MYBPH: variants seen among roughly 807,000 people sequenced by gnomAD.
The protein encoded by MYBPH is myosin-binding protein H.
In MYBPH, 49 loss-of-function variants were observed where a neutral mutation model predicts 53.6. The ratio of observed to expected loss-of-function variants is 0.91; its 90% CI spans 0.73 to 1.16. The LOEUF is 1.16. Ranked by LOEUF, MYBPH falls within the 50% of genes most tolerant of loss-of-function variation. The probability of loss-of-function intolerance (pLI) is 0.00; values close to 1 mark genes in which losing one functional copy is unlikely to be tolerated. For synonymous variants in MYBPH, 239 were observed against 249.6 expected (o/e 0.96, Z 0.40); for missense variants, 558 against 624.1 (o/e 0.89, Z 1.13).
At position 203,171,723 on chromosome 1, in the gene MYBPH, G is replaced by A. The variant is rs1234388947; in HGVS notation, c.598-145C>T. ...AGGGGCAGCAGAGGCTGGAGCCACA[G>A]GTGCTGCCCACAGCCACATCTTCCA... On this transcript the variant is annotated intron_variant, in intron 4 of 10. Transcript: ENST00000255416. The surrounding 1 kb of genome is among the most constrained non-coding windows in gnomAD (Gnocchi z 4.2). 1 of 951,486 alleles carries A rather than the reference G, an allele frequency of 1.1e-6. No homozygotes were observed. Among genetic ancestry groups the A allele is most frequent in the Non-Finnish European group, 1.5e-6 (1 of 659,432 alleles). The allele number at this position is 951,486 out of a possible 1,614,324, so 58.9% of individuals were successfully genotyped here. A position where few individuals can be genotyped will look rare whatever the true frequency, so the allele number is the denominator to read the frequency against.
At chr1:203,168,495 C>G in intron 10 of MYBPH, 132 bp downstream of exon 10, 2 of 858,582 alleles carry the variant, frequency 2.3e-6, no homozygotes, top group South Asian at 1.5e-5. Flanking sequence ...TGCTAGTTGC[C>G]TGTGTCCACA....
Position 203,170,310 on chromosome 1 carries a change from G to A in MYBPH, c.1074C>T (p.Leu358=), listed in dbSNP as rs150644151. 1.7e-5 allele frequency: 27 copies of A among 1,614,170 alleles called. No individual in the cohort carries two copies. In the Admixed American group the frequency reaches 2.5e-4, roughly 15 times the overall value. The change falls in exon 7 of 11, where the codon CTC becomes CTT. Residue 358 remains leucine, a synonymous_variant. Transcript: ENST00000255416. The stretch of plus-strand genomic sequence containing the variant: ...ACCCACCTGCCTTCTGGATGTGGGC[G>A]AGCTCCTTGGTGACGGTGGCCGAGG... ...LSTSATVTKE[L]AHIQKADIAA... is the part of the protein sequence containing the mutation.
In MYBPH at chr1:203,175,344, T is replaced by A. The variant is rs776221988; in HGVS notation, c.323A>T (p.Glu108Val). The A allele has an allele frequency of 3.9e-6, 6 of 1,522,716 alleles. No individual in the cohort carries two copies. In the Admixed American group the frequency reaches 1.4e-4, roughly 34 times the overall value. The allele number at this position is 1,522,716 out of a possible 1,614,324, so 94.3% of individuals were successfully genotyped here. A position where few individuals can be genotyped will look rare whatever the true frequency, so the allele number is the denominator to read the frequency against. ...GRLGLQGYVL[E>V]LCREGASEWV... ...GCACTCACCTCCCTCTCTGCAGAGC[T>A]CCAGCACATAGCCCTGGAGGCCCAG... The change falls in exon 2 of 11, where the codon GAG becomes GTG. Residue 108 changes from glutamate (E) to valine (V), a missense_variant. By Grantham distance (121) the Glu-to-Val change is moderately radical. Coordinates refer to ENST00000255416, the MANE Select transcript of MYBPH (RefSeq NM_004997.3).
intron 7 of MYBPH, among the ~76,000 whole-genome samples, chr1:203,169,608 T>C (rs1353852553): frequency 6.6e-6 from 1 of 152,226 alleles, no homozygotes; most frequent in East Asian, 1.9e-4. Flanking sequence ...AAGAGCATCT[T>C]GGCAGAAGAT....
At chr1:203,169,202 G>A (rs1186770194) in intron 8 of MYBPH, 51 bp downstream of exon 8, 1 of 1,578,378 alleles carries the variant, frequency 6.3e-7, no homozygotes, top group Non-Finnish European at 8.6e-7. Flanking sequence ...CAGCCCTGCT[G>A]TCCCCACCTG....
chr1:203,177,070 A>G (rs1655825408), upstream of MYBPH, among the ~76,000 whole-genome samples: 1 of 152,250 alleles, frequency 6.6e-6, no homozygotes. Flanking sequence ...TGATGAGCAG[A>G]AGAGCAAGGC....
At chr1:203,168,390 C>T (rs1655624227) in intron 10 of MYBPH, among the ~76,000 whole-genome samples, 1 of 152,224 alleles carries the variant, frequency 6.6e-6, no homozygotes, top group African/African-American at 2.4e-5. Context: ...TGGGAGTAGA[C>T]TCTGGTTGTG....
In MYBPH at chr1:203,171,680, C is replaced by G; in HGVS notation, c.598-102G>C. 8.1e-7 allele frequency: 1 copy of G among 1,229,262 alleles called. No homozygotes were observed. The highest frequency in any genetic ancestry group is 1.1e-6 in the Non-Finnish European group (1 of 908,472). The allele number at this position is 1,229,262 out of a possible 1,614,324, so 76.1% of individuals were successfully genotyped here. A position where few individuals can be genotyped will look rare whatever the true frequency, so the allele number is the denominator to read the frequency against. ...GGAGCTGTTCTCGGGGAAGCCTGTC[C>G]CACTGGCCCTTCTCAGGAGGGGCAG... On this transcript the variant is annotated intron_variant, in intron 4 of 10. Transcript: ENST00000255416. The surrounding 1 kb of genome is among the most constrained non-coding windows in gnomAD (Gnocchi z 4.2).
chr1:203,171,167 A>G lies in MYBPH; in HGVS notation c.827T>C (p.Leu276Pro). ...KPGPPSSIRL[L>P]DVWGCNAALQ... is the part of the protein sequence containing the mutation. ...AGCAGCATTGCAGCCCCAGACGTCC[A>G]GGAGCCTGATGCTGCTGGGGGGTCC... The change falls in exon 6 of 11, where the codon CTG becomes CCG. Residue 276 changes from leucine to proline, a missense_variant. Physicochemically the swap from Leu to Pro is moderately conservative, Grantham distance 98. Coordinates refer to ENST00000255416, the MANE Select transcript of MYBPH (RefSeq NM_004997.3). The surrounding 1 kb of genome is among the most constrained non-coding windows in gnomAD (Gnocchi z 4.2). 2 of 1,611,260 alleles carry G rather than the reference A, an allele frequency of 1.2e-6. No individual in the cohort carries two copies. The highest frequency in any genetic ancestry group is 1.1e-5 in the South Asian group (1 of 90,600).
In MYBPH at chr1:203,171,899, T is replaced by C. The variant is rs3737874; in HGVS notation, c.597+53A>G. On this transcript the variant is annotated intron_variant, in intron 4 of 10. Transcript: ENST00000255416. The surrounding 1 kb of genome is among the most constrained non-coding windows in gnomAD (Gnocchi z 4.2). ...TGCCATCTCCCAGGCTCCCCTTAAA[T>C]GGGGGCCCTGGTTCCCACCCAGGCT... 5.2e-3 allele frequency: 5,982 copies of C among 1,152,964 alleles called. 273 individuals are homozygous for C. In the East Asian group the frequency reaches 0.12, roughly 23 times the overall value. The allele number at this position is 1,152,964 out of a possible 1,614,324, so 71.4% of individuals were successfully genotyped here.
rs762057578 is a variant in MYBPH, at chr1:203,175,672, C to A, written c.84G>T (p.Glu28Asp). 6.5e-5 allele frequency: 105 copies of A among 1,614,014 alleles called. 1 individual carries two copies. The South Asian group carries it at 9.6e-4, about 15-fold the overall frequency. ...CTGATACTGCCACTTCTCCGGGAGG[C>A]TCTGCTGTGGGCACCTTGGCAGATT... is the stretch of plus-strand genomic sequence containing the variant. Reference protein sequence around the residue: ...ASESAKVPTAEPPGEVAVSES... With the variant: ...ASESAKVPTADPPGEVAVSES... Residue 28 changes from glutamate to aspartate, a missense_variant, in exon 1 of 11, where the codon GAG becomes GAT. By Grantham distance (45) the Glu-to-Asp change is conservative. Coordinates refer to ENST00000255416, the MANE Select transcript of MYBPH (RefSeq NM_004997.3).
intron 3 of MYBPH, among the ~76,000 whole-genome samples, chr1:203,173,770 C>T (rs1655746015): frequency 6.6e-6 from 1 of 152,232 alleles, no homozygotes; most frequent in African/African-American, 2.4e-5. Flanking sequence ...CCCCAGAGAC[C>T]TCAGATCAGA....
chr1:203,173,321 T>G (rs1655737356), intron 3 of MYBPH, among the ~76,000 whole-genome samples: 1 of 152,160 alleles, frequency 6.6e-6, no homozygotes, highest in East Asian at 1.9e-4. Flanking sequence ...AGCTGCCTGG[T>G]GGGGCCACAT....
chr1:203,171,006 C>G lies in MYBPH; in HGVS notation c.933+55G>C. 1 of 1,521,584 alleles carries G rather than the reference C, an allele frequency of 6.6e-7. No individual in the cohort carries two copies. Among genetic ancestry groups the G allele is most frequent in the Non-Finnish European group, 8.8e-7 (1 of 1,136,088 alleles). The allele number at this position is 1,521,584 out of a possible 1,614,324, so 94.3% of individuals were successfully genotyped here. Reference sequence around the variant, plus strand: ...CCTAGACTCAGTGGGATGGGCCTTCCCCACCACCTTGACCACTTCGTACCC... The same window carrying G: ...CCTAGACTCAGTGGGATGGGCCTTCGCCACCACCTTGACCACTTCGTACCC... On this transcript the variant is annotated intron_variant, in intron 6 of 10. Coordinates refer to ENST00000255416, the MANE Select transcript of MYBPH (RefSeq NM_004997.3). The surrounding 1 kb of genome is among the most constrained non-coding windows in gnomAD (Gnocchi z 4.2).
chr1:203,176,146 G>C (rs547902413), upstream of MYBPH, among the ~76,000 whole-genome samples: 2 of 152,334 alleles, frequency 1.3e-5, no homozygotes, highest in South Asian at 4.1e-4. Flanking sequence ...AATGAGCCCA[G>C]CTCAGGCTCT....
upstream of MYBPH, chr1:203,175,950 A>G: frequency 1.7e-6 from 1 of 598,062 alleles, no homozygotes; most frequent in Non-Finnish European, 3.0e-6. Flanking sequence ...CAGGCCAGGA[A>G]TAGCTCTGGG....
chr1:203,177,299 TG>T (rs1262520315), upstream of MYBPH, among the ~76,000 whole-genome samples: 1 of 152,250 alleles, frequency 6.6e-6, no homozygotes, highest in Non-Finnish European at 1.5e-5. Flanking sequence ...TTTCCTGACC[TG>T]GGTGGTGGTT....
In MYBPH at chr1:203,171,884, C is replaced by T. The variant is rs1340775075; in HGVS notation, c.597+68G>A. The T allele has an allele frequency of 9.5e-7, 1 of 1,055,770 alleles. No individual in the cohort carries two copies. The allele number at this position is 1,055,770 out of a possible 1,614,324, so 65.4% of individuals were successfully genotyped here. ...GACCCTTGGAGACCCTGCCATCTCC[C>T]AGGCTCCCCTTAAATGGGGGCCCTG... On this transcript the variant is annotated intron_variant, in intron 4 of 10. Coordinates refer to ENST00000255416, the MANE Select transcript of MYBPH (RefSeq NM_004997.3). The surrounding 1 kb of genome is among the most constrained non-coding windows in gnomAD (Gnocchi z 4.2).
chr1:203,179,178 T>A (rs1167996468), upstream of MYBPH: 1 of 317,670 alleles, frequency 3.1e-6, no homozygotes, highest in African/African-American at 2.1e-5. Flanking sequence ...CTTGGGGATC[T>A]GTAAACATTT....
Sources: gnomAD v4.1 joint callset for allele counts (sites outside exome capture counted in the v4.1 genomes callset) on GRCh38, gnomAD v4.1.1 for gene constraint, Gnocchi (gnomAD v3.1) non-coding constraint, MANE v1.5 for transcripts, NCBI Gene and HGNC (gene_info 2026-07-23, HGNC 2026-07-21) for gene names.